NUF2: variants seen among roughly 807,000 people sequenced by gnomAD.
The protein encoded by NUF2 is kinetochore protein Nuf2.
A neutral mutation model predicts 61.8 loss-of-function variants in NUF2; 34 were observed. The ratio of observed to expected loss-of-function variants is 0.55; its 90% CI spans 0.42 to 0.73. The LOEUF (loss-of-function observed/expected upper bound fraction) is 0.73, where lower values mean the gene tolerates loss of function less well. Among genes scored for constraint, NUF2 ranks in the 30% least tolerant of loss-of-function variants. The pLI, the probability that NUF2 is intolerant of heterozygous loss-of-function variation, is 0.00. For synonymous variants in NUF2, 172 were observed against 181.6 expected (o/e 0.95, Z 0.42); for missense variants, 445 against 539.1 (o/e 0.83, Z 1.73).
chr1:163,352,943 A>G (rs1472051390), intron 13 of NUF2, among the ~76,000 whole-genome samples: 1 of 152,198 alleles, frequency 6.6e-6, no homozygotes, highest in Admixed American at 6.5e-5. Flanking sequence ...CTTCCACATA[A>G]CTTTCTTTTA....
intron 5 of NUF2, among the ~76,000 whole-genome samples, chr1:163,329,566 C>T (rs995997453): frequency 2.0e-5 from 3 of 152,096 alleles, no homozygotes; most frequent in African/African-American, 7.2e-5. Flanking sequence ...AAATGGGGAG[C>T]AGACATGTCA....
chr1:163,344,765 CACTAG>C (rs1651066517), intron 10 of NUF2, among the ~76,000 whole-genome samples: 1 of 151,448 alleles, frequency 6.6e-6, no homozygotes, highest in African/African-American at 2.4e-5. Context: ...AAGATTACCA[CACTAG>C]ACTAGACAAA....
At chr1:163,328,824 C>G (rs185640021) in intron 4 of NUF2, 22 bp from the exon 5 acceptor site, 85 of 1,508,518 alleles carry the variant, frequency 5.6e-5, no homozygotes, top group Non-Finnish European at 3.7e-6. Flanking sequence ...TTTCAATAGT[C>G]TTTTTGTACT....
intron 5 of NUF2, among the ~76,000 whole-genome samples, chr1:163,335,990 CTTTA>C (rs767104217): frequency 3.7e-4 from 57 of 152,182 alleles, no homozygotes; most frequent in Non-Finnish European, 6.8e-4. Context: ...TCTCTATCCC[CTTTA>C]TTTATTTATA....
At chr1:163,327,652 CT>C in intron 3 of NUF2, 90 bp downstream of exon 3, 1 of 766,948 alleles carries the variant, frequency 1.3e-6, no homozygotes. Flanking sequence ...TGCATACTGG[CT>C]TTTAGGATAG....
intron 5 of NUF2, among the ~76,000 whole-genome samples, chr1:163,334,317 A>G (rs1207527849): frequency 6.6e-6 from 1 of 152,164 alleles, no homozygotes; most frequent in Non-Finnish European, 1.5e-5. Flanking sequence ...TTTCTTTCTT[A>G]AAGGGATTTT....
chr1:163,326,301 G>A, intron 2 of NUF2, 127 bp downstream of exon 2: 1 of 766,456 alleles, frequency 1.3e-6, no homozygotes, highest in South Asian at 2.6e-5. Flanking sequence ...TTCATTGAGA[G>A]AGAATCTCTC....
Position 163,353,215 on chromosome 1 carries a change from G to A in NUF2, c.1261-2120G>A, listed in dbSNP as rs79812324. ...AATTGGTGTCTTTCATTGTACTATT[G>A]TACTATTTACAGTGCTACTTATACA... On this transcript the variant is annotated intron_variant, in intron 13 of 13. Coordinates refer to ENST00000271452, the MANE Select transcript of NUF2 (RefSeq NM_145697.3). Among the ~76,000 whole-genome samples, 214 of 151,982 alleles carry A rather than the reference G, an allele frequency of 1.4e-3. 4 individuals are homozygous for A. The East Asian group carries it at 0.024, about 17-fold the overall frequency.
chr1:163,328,183 G>A, intron 3 of NUF2, 45 bp from the exon 4 acceptor site: 2 of 1,252,558 alleles, frequency 1.6e-6, no homozygotes, highest in Non-Finnish European at 1.1e-6. Context: ...TTCTCATTTT[G>A]TCTAATCAAT....
intron 13 of NUF2, among the ~76,000 whole-genome samples, chr1:163,354,358 C>A (rs1651420504): frequency 1.3e-5 from 2 of 152,082 alleles, no homozygotes; most frequent in South Asian, 4.1e-4. Flanking sequence ...TTCACTTAAT[C>A]TGTAGTAATA....
chr1:163,326,429 T>C lies in NUF2; in HGVS notation c.123+255T>C, dbSNP rs776000993. The stretch of plus-strand genomic sequence containing the variant: ...TAAAAAAAAAAAAGCTTCTAAACCA[T>C]ATTAAAGTATATTAAATTTTTTATT... On this transcript the variant is annotated intron_variant, in intron 2 of 13. Coordinates refer to ENST00000271452, the MANE Select transcript of NUF2 (RefSeq NM_145697.3). 9.7e-4 allele frequency among the ~76,000 whole-genome samples: 147 copies of C among 150,880 alleles called. 2 individuals are homozygous for C. The highest frequency in any genetic ancestry group is 1.6e-3 in the Non-Finnish European group (107 of 67,722).
intron 9 of NUF2, 32 bp from the exon 10 acceptor site, chr1:163,343,701 A>G (rs987084167): frequency 9.5e-7 from 1 of 1,051,648 alleles, no homozygotes; most frequent in Non-Finnish European, 1.3e-6. Flanking sequence ...CAAGTTTATT[A>G]TATCTAATAT....
In NUF2 at chr1:163,327,432, A is replaced by G. The variant is rs1435469189; in HGVS notation, c.124-56A>G. 36 of 882,760 alleles carry G rather than the reference A, an allele frequency of 4.1e-5. 1 individual carries two copies. The South Asian group carries it at 4.9e-4, about 12-fold the overall frequency. 54.7% of individuals were successfully genotyped at this position (882,760 alleles called of 1,614,324 possible). A position where few individuals can be genotyped will look rare whatever the true frequency, so the allele number is the denominator to read the frequency against. On this transcript the variant is annotated intron_variant, in intron 2 of 13. Coordinates refer to ENST00000271452, the MANE Select transcript of NUF2 (RefSeq NM_145697.3). ...TATAATATTGTATGGTAATGATGAT[A>G]GTGACATAGCTTTAGAGTTATGCAT...
At position 163,333,896 on chromosome 1, in the gene NUF2, C is replaced by T. The variant is rs570822247; in HGVS notation, c.338-2855C>T. Among the ~76,000 whole-genome samples the T allele has an allele frequency of 1.1e-3, 162 of 152,256 alleles. 1 individual carries two copies. Among genetic ancestry groups the T allele is most frequent in the South Asian group, 2.3e-3 (11 of 4,832 alleles). On this transcript the variant is annotated intron_variant, in intron 5 of 13. Transcript: ENST00000271452. Reference sequence around the variant, plus strand: ...CATATATTGTGTAGTGGTGAAATCTCGGCTTTTAGTGCACCCATCACTCAA... The same window carrying T: ...CATATATTGTGTAGTGGTGAAATCTTGGCTTTTAGTGCACCCATCACTCAA...
At chr1:163,331,025 C>CTTTTTTTTTT (rs35181525) in intron 5 of NUF2, among the ~76,000 whole-genome samples, 6 of 134,958 alleles carry the variant, frequency 4.4e-5, no homozygotes, top group Non-Finnish European at 6.3e-5. Flanking sequence ...GCCTTTTATT[C>CTTTTTTTTTT]TTTTTTTTTT....
rs1651463926 is a variant in NUF2 at position 163,355,650 on chromosome 1, A to G, written c.*181A>G. ...TAATGTAGGCTTTTATTAATTTATA[A>G]TTAAAATAACTTGTGCAGCTATTCA... On this transcript the variant is annotated 3_prime_UTR_variant, in exon 14 of 14. Transcript: ENST00000271452. 2.5e-6 allele frequency: 1 copy of G among 397,148 alleles called. No individual in the cohort carries two copies. Among genetic ancestry groups the G allele is most frequent in the Non-Finnish European group, 4.5e-6 (1 of 222,538 alleles). 24.6% of individuals were successfully genotyped at this position (397,148 alleles called of 1,614,324 possible).
chr1:163,334,411 A>G (rs1183653940), intron 5 of NUF2, among the ~76,000 whole-genome samples: 1 of 152,194 alleles, frequency 6.6e-6, no homozygotes, highest in Admixed American at 6.5e-5. Context: ...TTTCTTAGAC[A>G]TGAAGGATTT....
rs151077232 is a variant in NUF2 at position 163,322,251 on chromosome 1, A to G, written c.-21+39A>G. On this transcript the variant is annotated intron_variant, in intron 1 of 13. Coordinates refer to ENST00000271452, the MANE Select transcript of NUF2 (RefSeq NM_145697.3). Reference sequence around the variant, plus strand: ...CCGTCGTTACTTTTTATTTGATGTTAGTCCCAGAAACAACCAGAGCTCAGT... The same window carrying G: ...CCGTCGTTACTTTTTATTTGATGTTGGTCCCAGAAACAACCAGAGCTCAGT... The G allele has an allele frequency of 6.2e-3, 941 of 152,352 alleles. 16 individuals carry two copies. The highest frequency in any genetic ancestry group is 0.021 in the African/African-American group (878 of 41,554). 9.4% of individuals were successfully genotyped at this position (152,352 alleles called of 1,614,324 possible).
At chr1:163,342,397 C>A (rs926777351) in intron 9 of NUF2, among the ~76,000 whole-genome samples, 3 of 152,004 alleles carry the variant, frequency 2.0e-5, no homozygotes, top group Non-Finnish European at 4.4e-5. Flanking sequence ...AAAGTTAACA[C>A]TATTGTAAGG....
Sources: allele counts gnomAD v4.1 joint callset (sites outside exome capture counted in the v4.1 genomes callset), GRCh38; gene constraint gnomAD v4.1.1; transcripts MANE v1.5; gene names NCBI Gene and HGNC (gene_info 2026-07-23, HGNC 2026-07-21).